Variants in CDH13 observed in about 807,000 individuals in gnomAD.
The protein encoded by CDH13 is cadherin-13.
A neutral mutation model predicts 63.8 loss-of-function variants in CDH13; 24 were observed. The observed-to-expected ratio is 0.38, with a 90% CI of 0.27 to 0.53. The LOEUF is 0.53. CDH13 is among the 20% of genes least tolerant of loss of function. The pLI, the probability that CDH13 is intolerant of heterozygous loss-of-function variation, is 0.85. For missense variants in CDH13, 1,049 were observed against 903.1 expected (o/e 1.16, Z -2.07); for synonymous variants, 503 against 355.3 (o/e 1.42, Z -4.67).
intron 1 of CDH13, among the ~76,000 whole-genome samples, chr16:82,690,201 C>T (rs1046832430): frequency 8.1e-5 from 12 of 147,736 alleles, no homozygotes; most frequent in Admixed American, 1.3e-4. Context: ...CTCATGACCC[C>T]GGGTGGGTGG....
At chr16:83,707,835 G>GAAAAAAAAAAAA (rs1907331718) in intron 10 of CDH13, among the ~76,000 whole-genome samples, 1 of 19,218 alleles carries the variant, frequency 5.2e-5, no homozygotes, top group Non-Finnish European at 1.1e-4. Context: ...GACCCTAAAG[G>GAAAAAAAAAAAA]CAAAAAAAAA....
intron 8 of CDH13, among the ~76,000 whole-genome samples, chr16:83,602,895 T>G (rs1907982241): frequency 6.6e-6 from 1 of 152,212 alleles, no homozygotes; most frequent in Non-Finnish European, 1.5e-5. Flanking sequence ...TATTTAGCAG[T>G]GAGTTATGAG....
chr16:83,787,080 C>A (rs1448830096), intron 13 of CDH13, among the ~76,000 whole-genome samples: 2 of 152,240 alleles, frequency 1.3e-5, no homozygotes, highest in African/African-American at 2.4e-5. Flanking sequence ...CACTCACACA[C>A]ATTCACACAT....
intron 6 of CDH13, among the ~76,000 whole-genome samples, chr16:83,459,645 G>T (rs917790170): frequency 6.6e-6 from 1 of 152,180 alleles, no homozygotes; most frequent in Admixed American, 6.5e-5. Flanking sequence ...TTTTTCTAAT[G>T]AAGGAGATTT....
At chr16:83,776,513 A>G (rs978347940) in intron 11 of CDH13, among the ~76,000 whole-genome samples, 5 of 152,188 alleles carry the variant, frequency 3.3e-5, no homozygotes, top group African/African-American at 1.2e-4. Flanking sequence ...TTTAGCAGAC[A>G]TTTATTTGAA....
intron 7 of CDH13, among the ~76,000 whole-genome samples, chr16:83,569,628 C>A (rs910044154): frequency 1.3e-5 from 2 of 152,160 alleles, no homozygotes; most frequent in South Asian, 4.1e-4. Context: ...CCCAAGATAA[C>A]AAGATTTCTG....
rs145226582 is a variant in CDH13, at chr16:83,278,888, C to T, written c.636+61391C>T. Reference sequence around the variant, plus strand: ...GAGGGGAAAGGGCAGGATGTTGAACCTTAGTCTCATAATCAGTCTTATCAG... The same window carrying T: ...GAGGGGAAAGGGCAGGATGTTGAACTTTAGTCTCATAATCAGTCTTATCAG... On this transcript the variant is annotated intron_variant, in intron 5 of 13. Transcript: ENST00000567109. Among the ~76,000 whole-genome samples the T allele has an allele frequency of 3.9e-3, 595 of 152,254 alleles. 4 individuals carry two copies. The highest frequency in any genetic ancestry group is 0.03 in the East Asian group (155 of 5,172).
chr16:83,040,798 T>C (rs896313652), intron 3 of CDH13, among the ~76,000 whole-genome samples: 1 of 152,212 alleles, frequency 6.6e-6, no homozygotes, highest in Non-Finnish European at 1.5e-5. Flanking sequence ...GGACAGTCAG[T>C]GTCTCACAAC....
chr16:82,819,157 T>C (rs951024514), intron 1 of CDH13, among the ~76,000 whole-genome samples: 1 of 152,252 alleles, frequency 6.6e-6, no homozygotes, highest in Non-Finnish European at 1.5e-5. Context: ...AGTGTTTTTA[T>C]TGCCACAAAG....
At chr16:82,811,467 T>G (rs1466690304) in intron 1 of CDH13, among the ~76,000 whole-genome samples, 2 of 152,194 alleles carry the variant, frequency 1.3e-5, no homozygotes, top group African/African-American at 2.4e-5. Flanking sequence ...TATAATAACT[T>G]TTTTCCTATA....
intron 2 of CDH13, among the ~76,000 whole-genome samples, chr16:82,867,254 C>A (rs1239334050): frequency 6.6e-6 from 1 of 152,138 alleles, no homozygotes; most frequent in Non-Finnish European, 1.5e-5. Flanking sequence ...GGTTTTCATC[C>A]ATAGTTCTGT....
At chr16:83,678,623 C>T (rs992014545) in intron 10 of CDH13, among the ~76,000 whole-genome samples, 162 bp downstream of exon 10, 5 of 152,152 alleles carry the variant, frequency 3.3e-5, no homozygotes, top group Admixed American at 6.5e-5. Context: ...TTGTGGCTGA[C>T]GGCTGCAGAG....
intron 2 of CDH13, among the ~76,000 whole-genome samples, chr16:83,008,017 G>A (rs1222098441): frequency 2.0e-5 from 3 of 152,058 alleles, no homozygotes; most frequent in African/African-American, 7.2e-5. Flanking sequence ...GTGATTGATG[G>A]ATCATAGTTG....
chr16:83,468,191 G>T (rs1005653268), intron 6 of CDH13, among the ~76,000 whole-genome samples: 1 of 152,172 alleles, frequency 6.6e-6, no homozygotes, highest in Non-Finnish European at 1.5e-5. Context: ...TTATTGAAGG[G>T]TCTGGGGATG....
At chr16:83,368,564 TG>T (rs943576027) in intron 6 of CDH13, among the ~76,000 whole-genome samples, 2 of 152,038 alleles carry the variant, frequency 1.3e-5, no homozygotes, top group African/African-American at 4.8e-5. Flanking sequence ...AGGTGGTGTT[TG>T]GTTACATGAG....
At chr16:82,669,231 T>C (rs1025135947) in intron 1 of CDH13, among the ~76,000 whole-genome samples, 1 of 152,190 alleles carries the variant, frequency 6.6e-6, no homozygotes, top group African/African-American at 2.4e-5. Context: ...TCATTGAACA[T>C]TGGGTCAGCA....
chr16:83,081,373 C>G (rs983624790), intron 3 of CDH13, among the ~76,000 whole-genome samples: 1 of 152,160 alleles, frequency 6.6e-6, no homozygotes, highest in African/African-American at 2.4e-5. Context: ...CACAGGATCA[C>G]AGCTATGCTA....
At chr16:83,561,163 C>G (rs141919627) in intron 7 of CDH13, among the ~76,000 whole-genome samples, 1 of 152,092 alleles carries the variant, frequency 6.6e-6, no homozygotes, top group Admixed American at 6.6e-5. Context: ...AAAGAGACTT[C>G]AGGCCGGGCG....
At chr16:82,700,177 A>T (rs1047972228) in intron 1 of CDH13, among the ~76,000 whole-genome samples, 1 of 152,182 alleles carries the variant, frequency 6.6e-6, no homozygotes, top group East Asian at 1.9e-4. Flanking sequence ...ATTTAAATGA[A>T]TTTTTCCTGC....
Sources: gnomAD v4.1 joint callset for allele counts (sites outside exome capture counted in the v4.1 genomes callset) on GRCh38, gnomAD v4.1.1 for gene constraint, MANE v1.5 for transcripts, NCBI Gene and HGNC (gene_info 2026-07-23, HGNC 2026-07-21) for gene names.